SORCS3: variants seen among roughly 807,000 people sequenced by gnomAD.
The protein encoded by SORCS3 is VPS10 domain-containing receptor SorCS3.
In SORCS3, 57 loss-of-function variants were observed where a neutral mutation model predicts 146.3. That is an observed-to-expected ratio of 0.39 (90% CI 0.31 to 0.49). The LOEUF is 0.49. Among genes scored for constraint, SORCS3 ranks in the 20% least tolerant of loss-of-function variants. The probability of loss-of-function intolerance (pLI) is 0.92; values close to 1 mark genes in which losing one functional copy is unlikely to be tolerated. For synonymous variants in SORCS3, 653 were observed against 618.5 expected (o/e 1.06, Z -0.83); for missense variants, 1,341 against 1,575.5 (o/e 0.85, Z 2.52).
intron 1 of SORCS3, among the ~76,000 whole-genome samples, chr10:104,817,118 G>T (rs1384569317): frequency 1.3e-5 from 2 of 152,090 alleles, no homozygotes. Context: ...ACTTGGAAGC[G>T]GTGGATCTAC....
chr10:104,766,334 A>G (rs543255153), intron 1 of SORCS3, among the ~76,000 whole-genome samples: 82 of 152,328 alleles, frequency 5.4e-4, no homozygotes, highest in Admixed American at 2.4e-3. Flanking sequence ...TCTTTGGCCA[A>G]TACTGAAGCC....
At chr10:104,856,640 A>G (rs2018337403) in intron 2 of SORCS3, among the ~76,000 whole-genome samples, 1 of 146,376 alleles carries the variant, frequency 6.8e-6, no homozygotes, top group African/African-American at 2.5e-5. Flanking sequence ...AAACAATTAG[A>G]GGCATATATA....
At chr10:105,259,724 C>A (rs2056949971) in intron 25 of SORCS3, among the ~76,000 whole-genome samples, 1 of 152,160 alleles carries the variant, frequency 6.6e-6, no homozygotes, top group East Asian at 1.9e-4. Flanking sequence ...ATTCCTTCCA[C>A]TGTTTTTTTA....
intron 6 of SORCS3, among the ~76,000 whole-genome samples, chr10:105,103,636 A>G (rs2055801729): frequency 6.6e-6 from 1 of 152,214 alleles, no homozygotes; most frequent in Admixed American, 6.5e-5. Flanking sequence ...ATTGGGAACC[A>G]AATGGGATGC....
At chr10:104,874,515 C>T (rs1336490719) in intron 2 of SORCS3, among the ~76,000 whole-genome samples, 1 of 151,986 alleles carries the variant, frequency 6.6e-6, no homozygotes, top group Non-Finnish European at 1.5e-5. Context: ...CTGACTAGTT[C>T]ACCAAAATTT....
intron 19 of SORCS3, among the ~76,000 whole-genome samples, chr10:105,218,488 G>A (rs1265162956): frequency 6.6e-6 from 1 of 152,182 alleles, no homozygotes; most frequent in Middle Eastern, 3.2e-3. Flanking sequence ...TGGGGAAGTG[G>A]GGTGCTGCTA....
chr10:105,013,986 C>T (rs1472640831), intron 4 of SORCS3, among the ~76,000 whole-genome samples: 1 of 122,992 alleles, frequency 8.1e-6, no homozygotes, highest in African/African-American at 2.9e-5. Flanking sequence ...CACACAGACA[C>T]ACACACACAC....
chr10:105,038,868 A>G (rs1332443997), intron 4 of SORCS3, among the ~76,000 whole-genome samples: 2 of 152,156 alleles, frequency 1.3e-5, no homozygotes, highest in Non-Finnish European at 2.9e-5. Flanking sequence ...TTTCTATTTT[A>G]ATGTTAGACC....
At chr10:104,805,924 T>C (rs927647923) in intron 1 of SORCS3, among the ~76,000 whole-genome samples, 1 of 152,164 alleles carries the variant, frequency 6.6e-6, no homozygotes, top group Admixed American at 6.6e-5. Flanking sequence ...GTGTAAGTCG[T>C]AGTATTTTGT....
At chr10:105,060,576 G>A (rs139142131) in intron 5 of SORCS3, among the ~76,000 whole-genome samples, 1 of 152,106 alleles carries the variant, frequency 6.6e-6, no homozygotes, top group South Asian at 2.1e-4. Context: ...TTCATTACTG[G>A]GGGCAGTGAG....
chr10:105,149,343 C>T (rs146623430), intron 9 of SORCS3, among the ~76,000 whole-genome samples: 3 of 152,130 alleles, frequency 2.0e-5, no homozygotes, highest in African/African-American at 4.8e-5. Context: ...CGTAGAAATA[C>T]CCTGATTTCC....
intron 2 of SORCS3, among the ~76,000 whole-genome samples, chr10:104,860,350 A>C: frequency 7.5e-6 from 1 of 132,590 alleles, no homozygotes; most frequent in Non-Finnish European, 1.6e-5. Context: ...TTGCTCACTC[A>C]TAGGTGGGAA....
At chr10:105,042,280 T>G (rs1309912903) in intron 4 of SORCS3, among the ~76,000 whole-genome samples, 1 of 152,342 alleles carries the variant, frequency 6.6e-6, no homozygotes, top group African/African-American at 2.4e-5. Flanking sequence ...TGCAGAATGC[T>G]TAAGAGCAGG....
At chr10:105,097,689 C>G (rs1250112795) in intron 6 of SORCS3, among the ~76,000 whole-genome samples, 1 of 152,058 alleles carries the variant, frequency 6.6e-6, no homozygotes, top group Admixed American at 6.6e-5. Context: ...TAATGATGAT[C>G]TTGTTATAGA....
At position 105,024,424 on chromosome 10, in the gene SORCS3, G is replaced by A. The variant is rs534138011; in HGVS notation, c.955-18631G>A. Among the ~76,000 whole-genome samples the A allele has an allele frequency of 1.1e-4, 17 of 152,280 alleles. No individual in the cohort carries two copies. In the South Asian group the frequency reaches 3.5e-3, roughly 32 times the overall value. On this transcript the variant is annotated intron_variant, in intron 4 of 26. Transcript: ENST00000369701. The stretch of plus-strand genomic sequence containing the variant: ...TGGAGAGGTGTGGGGTCACTGTGCA[G>A]TCAGACAAGGATGTAGGCCCATCTG...
intron 6 of SORCS3, among the ~76,000 whole-genome samples, chr10:105,094,359 T>C (rs1404475517): frequency 6.6e-6 from 1 of 152,234 alleles, no homozygotes; most frequent in Non-Finnish European, 1.5e-5. Flanking sequence ...TTGAAAAATA[T>C]GTTTGTATTA....
chr10:105,198,763 G>A (rs919730493), intron 14 of SORCS3, among the ~76,000 whole-genome samples: 4 of 152,154 alleles, frequency 2.6e-5, no homozygotes, highest in African/African-American at 9.7e-5. Context: ...TTTTACTAAA[G>A]GAGAGATCCT....
At chr10:104,832,675 G>T (rs1461512584) in intron 1 of SORCS3, among the ~76,000 whole-genome samples, 1 of 152,096 alleles carries the variant, frequency 6.6e-6, no homozygotes, top group East Asian at 1.9e-4. Context: ...CCAAGACAGG[G>T]CCATTGCCCT....
chr10:105,187,544 A>C (rs930537852), intron 14 of SORCS3, among the ~76,000 whole-genome samples: 2 of 152,176 alleles, frequency 1.3e-5, no homozygotes, highest in Admixed American at 1.3e-4. Context: ...TGCCACAACT[A>C]TGCTCTTTCT....
Sources: gnomAD v4.1 joint callset for allele counts (sites outside exome capture counted in the v4.1 genomes callset) on GRCh38, gnomAD v4.1.1 for gene constraint, MANE v1.5 for transcripts, NCBI Gene and HGNC (gene_info 2026-07-23, HGNC 2026-07-21) for gene names.